Variants in PPA2 observed in about 807,000 individuals in gnomAD.
PPA2 encodes inorganic pyrophosphatase 2, also known as inorganic pyrophosphatase 2, mitochondrial.
A neutral mutation model predicts 49.5 loss-of-function variants in PPA2; 48 were observed. The observed-to-expected ratio is 0.97, with a 90% CI of 0.77 to 1.23. PPA2 has a LOEUF of 1.23. PPA2 is among the 50% of genes most tolerant of loss of function. The pLI is 0.00. For synonymous variants in PPA2, 131 were observed against 139.9 expected (o/e 0.94, Z 0.45); for missense variants, 429 against 410.1 (o/e 1.05, Z -0.40).
At chr4:105,382,558 T>C (rs1733529572) in intron 10 of PPA2, among the ~76,000 whole-genome samples, 2 of 152,140 alleles carry the variant, frequency 1.3e-5, no homozygotes, top group Admixed American at 1.3e-4. Flanking sequence ...CAAACACACA[T>C]TCTTTGTTCT....
chr4:105,447,873 A>G (rs1157907315), intron 4 of PPA2: 3 of 175,588 alleles, frequency 1.7e-5, no homozygotes, highest in Non-Finnish European at 2.4e-5. Context: ...AGCTGGGATT[A>G]CAGACATGCA....
At chr4:105,436,571 C>T (rs1724066161) in intron 6 of PPA2, among the ~76,000 whole-genome samples, 1 of 152,096 alleles carries the variant, frequency 6.6e-6, no homozygotes, top group South Asian at 2.1e-4. Context: ...ACAAATTATA[C>T]CACATAGCTG....
At chr4:105,450,975 AAC>A (rs1722654649) in intron 3 of PPA2, among the ~76,000 whole-genome samples, 1 of 152,156 alleles carries the variant, frequency 6.6e-6, no homozygotes, top group Non-Finnish European at 1.5e-5. Context: ...ATTAGAAATA[AAC>A]CAGCCAAAAA....
intron 11 of PPA2, chr4:105,370,457 G>C: frequency 3.5e-6 from 1 of 287,134 alleles, no homozygotes; most frequent in African/African-American, 2.3e-5. Flanking sequence ...TATAACTATA[G>C]ATTTTAAGAT....
At chr4:105,386,527 T>C in intron 10 of PPA2, 40 bp downstream of exon 10, 2 of 1,559,280 alleles carry the variant, frequency 1.3e-6, no homozygotes, top group Non-Finnish European at 1.8e-6. Context: ...TCCTATGACA[T>C]TTATAAGATT....
At chr4:105,432,824 C>A (rs1264889692) in intron 6 of PPA2, among the ~76,000 whole-genome samples, 1 of 152,166 alleles carries the variant, frequency 6.6e-6, no homozygotes, top group African/African-American at 2.4e-5. Flanking sequence ...AAAGATTGGA[C>A]ACCCCTGGTG....
intron 1 of PPA2, chr4:105,473,438 C>G (rs1364491620): frequency 1.1e-5 from 4 of 378,872 alleles, no homozygotes; most frequent in South Asian, 7.9e-5. Flanking sequence ...GCCTCTCCGA[C>G]GTCAGGGAGC....
intron 9 of PPA2, among the ~76,000 whole-genome samples, chr4:105,395,977 G>A (rs1316511593): frequency 6.6e-6 from 1 of 152,068 alleles, no homozygotes; most frequent in Non-Finnish European, 1.5e-5. Flanking sequence ...TTTACATGCT[G>A]AAAAATTGCG....
At chr4:105,440,764 T>C (rs762797332) in intron 5 of PPA2, among the ~76,000 whole-genome samples, 26 of 152,192 alleles carry the variant, frequency 1.7e-4, no homozygotes, top group Non-Finnish European at 3.5e-4. Flanking sequence ...TTGTGGTGAC[T>C]ATTTCTGTTG....
intron 1 of PPA2, among the ~76,000 whole-genome samples, chr4:105,465,794 G>A (rs112402019): frequency 0.018 from 2,672 of 152,226 alleles, 78 homozygotes; most frequent in African/African-American, 0.061. Flanking sequence ...GTATAATAAT[G>A]TGACTGGGGG....
intron 7 of PPA2, among the ~76,000 whole-genome samples, chr4:105,403,083 G>A (rs1269168059): frequency 6.6e-6 from 1 of 151,860 alleles, no homozygotes; most frequent in East Asian, 1.9e-4. Context: ...GGAGTACACT[G>A]TGCAATCACG....
intron 7 of PPA2, among the ~76,000 whole-genome samples, chr4:105,415,044 C>A (rs1722942159): frequency 6.6e-6 from 1 of 152,090 alleles, no homozygotes; most frequent in Admixed American, 6.5e-5. Context: ...CTGGTTAAAT[C>A]CAAGGTTTTT....
chr4:105,384,514 T>C (rs1733608733), intron 10 of PPA2, among the ~76,000 whole-genome samples: 1 of 152,218 alleles, frequency 6.6e-6, no homozygotes, highest in Non-Finnish European at 1.5e-5. Flanking sequence ...GTATCTACTA[T>C]ATTATTTATG....
intron 7 of PPA2, among the ~76,000 whole-genome samples, chr4:105,404,842 G>A (rs1230441010): frequency 1.3e-5 from 2 of 152,140 alleles, no homozygotes; most frequent in Non-Finnish European, 2.9e-5. Flanking sequence ...AGCACTTTGG[G>A]AGGCCGAGGC....
chr4:105,434,502 A>G (rs1723957519), intron 6 of PPA2, among the ~76,000 whole-genome samples: 1 of 152,150 alleles, frequency 6.6e-6, no homozygotes, highest in African/African-American at 2.4e-5. Flanking sequence ...AGGAAAAGGC[A>G]AAGGATGCTG....
intron 1 of PPA2, chr4:105,473,270 A>C: frequency 5.3e-6 from 1 of 188,792 alleles, no homozygotes; most frequent in Non-Finnish European, 1.1e-5. Flanking sequence ...TTGGGGAGGA[A>C]AAGGGGCTGC....
At chr4:105,463,030 GAAAAGATAACTGA>G (rs1723157562) in intron 1 of PPA2, among the ~76,000 whole-genome samples, 1 of 152,186 alleles carries the variant, frequency 6.6e-6, no homozygotes. Flanking sequence ...CGGTGCTGCT[GAAAAGATAACTGA>G]AAAAGTGGAA....
chr4:105,398,941 C>T, intron 8 of PPA2, 96 bp downstream of exon 8: 12 of 1,308,360 alleles, frequency 9.2e-6, no homozygotes, highest in Non-Finnish European at 1.2e-5. Context: ...TTTAACCATG[C>T]TATATATACA....
intron 7 of PPA2, among the ~76,000 whole-genome samples, chr4:105,417,634 T>A (rs73836204): frequency 0.01 from 1,593 of 151,964 alleles, 30 homozygotes; most frequent in African/African-American, 0.034. Context: ...CCATCTCAAT[T>A]ATAATTTTTT....
Sources: allele counts gnomAD v4.1 joint callset (sites outside exome capture counted in the v4.1 genomes callset), GRCh38; gene constraint gnomAD v4.1.1; transcripts MANE v1.5; gene names NCBI Gene and HGNC (gene_info 2026-07-23, HGNC 2026-07-21).